The following MYO6 variants were observed in gnomAD, a reference collection of about 807,000 sequenced individuals.
MYO6 encodes unconventional myosin-VI.
MYO6 carries 74 observed loss-of-function variants against 178.7 expected under a neutral mutation model. The ratio of observed to expected loss-of-function variants is 0.41; its 90% CI spans 0.34 to 0.50. MYO6 has a LOEUF of 0.50. MYO6 is among the 20% of genes least tolerant of loss of function. The pLI is 0.09. For missense variants in MYO6, 1,330 were observed against 1,547.4 expected (o/e 0.86, Z 2.36); for synonymous variants, 477 against 504.6 (o/e 0.95, Z 0.73).
chr6:75,860,979 G>A, intron 14 of MYO6, 44 bp from the exon 15 acceptor site: 1 of 1,331,774 alleles, frequency 7.5e-7, no homozygotes, highest in Non-Finnish European at 1.1e-6. Context: ...ATTCACTATT[G>A]CTCAGTATTG....
chr6:75,899,841 C>T (rs893780115), intron 30 of MYO6, among the ~76,000 whole-genome samples: 6 of 148,278 alleles, frequency 4.0e-5, no homozygotes, highest in South Asian at 2.2e-4. Flanking sequence ...CCCACTAACT[C>T]GTCATCTAGC....
chr6:75,841,398 A>G lies in MYO6; in HGVS notation c.816+20A>G, dbSNP rs780414821. ...TTTCGGGTAGGTCAGAAGAAAAGAA[A>G]TTTCATATAGCCAGGTGCAGTGGCT... is the stretch of plus-strand genomic sequence containing the variant. On this transcript the variant is annotated intron_variant, in intron 9 of 34. Transcript: ENST00000369977. The G allele has an allele frequency of 1.9e-5, 30 of 1,610,200 alleles. No individual in the cohort carries two copies. The highest frequency in any genetic ancestry group is 2.7e-5 in the African/African-American group (2 of 74,846).
At chr6:75,815,361 A>C (rs1445724854) in intron 1 of MYO6, among the ~76,000 whole-genome samples, 2 of 152,208 alleles carry the variant, frequency 1.3e-5, no homozygotes, top group African/African-American at 4.8e-5. Flanking sequence ...ATAATAACAT[A>C]ATAATTATGT....
intron 1 of MYO6, among the ~76,000 whole-genome samples, chr6:75,799,013 A>C (rs1451020270): frequency 6.6e-6 from 1 of 152,226 alleles, no homozygotes; most frequent in Non-Finnish European, 1.5e-5. Context: ...CAACAGCCAC[A>C]TAGACAAAAC....
chr6:75,878,275 T>C (rs1224709685), intron 20 of MYO6, among the ~76,000 whole-genome samples: 5 of 152,348 alleles, frequency 3.3e-5, no homozygotes, highest in African/African-American at 1.2e-4. Context: ...TCCCATCATA[T>C]GGTTGTAACA....
rs757762733 is a variant in MYO6 at position 75,880,108 on chromosome 6, T to C, written c.2274T>C (p.Phe758=). ...DYKFGLTKVF[F]RPGKFAEFDQ... is the part of the protein sequence containing the mutation. ...AGTTTGGGTTAACCAAAGTATTTTT[T>C]AGACCTGGCAAGGTAAATATACATT... The change falls in exon 22 of 35, where the codon TTT becomes TTC. Residue 758 remains phenylalanine, a synonymous_variant. Transcript: ENST00000369977. 6.2e-7 allele frequency: 1 copy of C among 1,609,090 alleles called. No homozygotes were observed.
intron 23 of MYO6, among the ~76,000 whole-genome samples, chr6:75,883,641 G>C (rs538930417): frequency 6.6e-6 from 1 of 151,524 alleles, no homozygotes; most frequent in East Asian, 2.0e-4. Flanking sequence ...GTGTGGTTTG[G>C]CCAGGTCATA....
intron 1 of MYO6, among the ~76,000 whole-genome samples, chr6:75,781,758 TA>T (rs1767003157): frequency 6.6e-6 from 1 of 151,678 alleles, no homozygotes; most frequent in Non-Finnish European, 1.5e-5. Context: ...CTGTCTCTAC[TA>T]AAAATAGAAA....
chr6:75,823,879 ATCTAATGAC>A (rs1387299188), intron 3 of MYO6, among the ~76,000 whole-genome samples: 3 of 152,236 alleles, frequency 2.0e-5, no homozygotes, highest in African/African-American at 7.2e-5. Flanking sequence ...TTTGCACAGC[ATCTAATGAC>A]TCTTAATAAA....
chr6:75,828,567 C>G lies in MYO6; in HGVS notation c.215C>G (p.Thr72Arg). Residue 72 changes from threonine (T) to arginine (R), a missense_variant, in exon 4 of 35, where the codon ACA (threonine) becomes AGA (arginine). Thr to Arg is a moderately conservative substitution (Grantham distance 71). This residue lies in a region of MYO6 where 116 missense variants were observed against 104.6 expected (regional missense o/e 1.11). Coordinates refer to ENST00000369977, the MANE Select transcript of MYO6 (RefSeq NM_004999.4). ...TCACTAATGTATTTAAATGAAGCCA[C>G]ACTGCTCCATAATATCAAAGTTCGA... ...NCSLMYLNEATLLHNIKVRYS... is the reference protein window; with the variant it reads ...NCSLMYLNEARLLHNIKVRYS... 6.3e-7 allele frequency: 1 copy of G among 1,581,588 alleles called. No homozygotes were observed. Among genetic ancestry groups the G allele is most frequent in the East Asian group, 2.2e-5 (1 of 44,562 alleles).
chr6:75,822,172 A>G (rs1174775471), intron 2 of MYO6, among the ~76,000 whole-genome samples: 1 of 150,068 alleles, frequency 6.7e-6, no homozygotes, highest in Admixed American at 6.7e-5. Flanking sequence ...ATCTCGGCTC[A>G]CTGCATCCTC....
In MYO6 at chr6:75,859,809, G is replaced by A. The variant is rs528529791; in HGVS notation, c.1473+816G>A. 1.6e-3 allele frequency among the ~76,000 whole-genome samples: 241 copies of A among 151,984 alleles called. 1 individual carries two copies. The highest frequency in any genetic ancestry group is 5.2e-3 in the African/African-American group (217 of 41,462). On this transcript the variant is annotated intron_variant, in intron 14 of 34. Coordinates refer to ENST00000369977, the MANE Select transcript of MYO6 (RefSeq NM_004999.4). ...TGAGTAGCTGGGACTACAGGCACGCGCCACCATGGCCGGCTAATTTTTATA... is the reference window on the plus strand; with the variant it reads ...TGAGTAGCTGGGACTACAGGCACGCACCACCATGGCCGGCTAATTTTTATA...
intron 1 of MYO6, among the ~76,000 whole-genome samples, chr6:75,776,568 T>G (rs1392179303): frequency 6.6e-6 from 1 of 152,138 alleles, no homozygotes; most frequent in East Asian, 1.9e-4. Context: ...TCTTCCCTAT[T>G]TAGAAACTAA....
rs982879653 is a variant in MYO6, at chr6:75,893,063, G to A, written c.3107+373G>A. ...ATAAGTGACTGTGTTATATAATGCA[G>A]TGTAATGTATTTGTAGTTGAGATTT... On this transcript the variant is annotated intron_variant, in intron 28 of 34. Coordinates refer to ENST00000369977, the MANE Select transcript of MYO6 (RefSeq NM_004999.4). 1.2e-4 allele frequency among the ~76,000 whole-genome samples: 18 copies of A among 152,188 alleles called. No homozygotes were observed. The South Asian group carries it at 1.7e-3, about 14-fold the overall frequency.
Position 75,896,249 on chromosome 6 carries a change from C to T in MYO6, c.3137+989C>T, listed in dbSNP as rs118031680. Among the ~76,000 whole-genome samples the T allele has an allele frequency of 6.3e-3, 966 of 152,262 alleles. 8 individuals carry two copies. Among genetic ancestry groups the T allele is most frequent in the Non-Finnish European group, 0.01 (702 of 68,022 alleles). ...TAAATGATGCAACCTATGTAAACAA[C>T]TCTCCAAACAATATATGTAAAGGAG... is the stretch of plus-strand genomic sequence containing the variant. On this transcript the variant is annotated intron_variant, in intron 29 of 34. Coordinates refer to ENST00000369977, the MANE Select transcript of MYO6 (RefSeq NM_004999.4).
At chr6:75,849,784 T>C (rs1451724386) in intron 11 of MYO6, among the ~76,000 whole-genome samples, 1 of 152,202 alleles carries the variant, frequency 6.6e-6, no homozygotes, top group African/African-American at 2.4e-5. Flanking sequence ...TAAATTATTT[T>C]GTGATGTGTT....
At chr6:75,908,460 TGTC>T in intron 31 of MYO6, 33 bp from the exon 32 acceptor site, 1 of 1,600,932 alleles carries the variant, frequency 6.2e-7, no homozygotes, top group Non-Finnish European at 8.5e-7. Context: ...TAAATTAACA[TGTC>T]AATTTTTTTT....
At chr6:75,914,739 A>G (rs1390794014) in intron 34 of MYO6, 74 bp from the exon 35 acceptor site, 3 of 1,365,742 alleles carry the variant, frequency 2.2e-6, no homozygotes, top group Admixed American at 3.4e-5. Flanking sequence ...ATTAATAGGT[A>G]TTTCAGGCAT....
chr6:75,863,676 G>A (rs1365891012), intron 16 of MYO6, among the ~76,000 whole-genome samples: 1 of 152,044 alleles, frequency 6.6e-6, no homozygotes, highest in Non-Finnish European at 1.5e-5. Flanking sequence ...AGTAGAGACG[G>A]GGTTTCACCA....
Sources: gnomAD v4.1 joint callset for allele counts (sites outside exome capture counted in the v4.1 genomes callset) on GRCh38, gnomAD v4.1.1 for gene constraint, gnomAD v4.1.1 regional missense constraint, MANE v1.5 for transcripts, NCBI Gene and HGNC (gene_info 2026-07-23, HGNC 2026-07-21) for gene names.